Variants in SLC25A32 observed in about 807,000 individuals in gnomAD.
The protein encoded by SLC25A32 is Glycine auxotroph B, complementation of hamster.
SLC25A32 carries 32 observed loss-of-function variants against 39.0 expected under a neutral mutation model. That is an observed-to-expected ratio of 0.82 (90% CI 0.62 to 1.10). SLC25A32 has a LOEUF of 1.10. Ranked by LOEUF, SLC25A32 falls within the 50% of genes least tolerant of loss-of-function variation. SLC25A32 has a pLI of 0.00. For missense variants in SLC25A32, 367 were observed against 395.3 expected, an observed-to-expected ratio of 0.93 and a Z score of 0.61; for synonymous variants, 166 against 152.4, an observed-to-expected ratio of 1.09 and a Z score of -0.66.
At chr8:103,407,819 A>G in intron 1 of SLC25A32, 35 bp from the exon 2 acceptor site, 8 of 1,593,956 alleles carry the variant, frequency 5.0e-6, no homozygotes, top group South Asian at 2.2e-5. Flanking sequence ...AGGTAAGAAC[A>G]AAGTTCTAGC....
Position 103,400,053 on chromosome 8 carries a change from A to C in SLC25A32, c.*358T>G, listed in dbSNP as rs1327698633. ...ATTGCACAAAGGTTAATTTTAAAGC[A>C]ATCCAGGCAAGTAAGCTCACAAAAA... On this transcript the variant is annotated 3_prime_UTR_variant, in exon 7 of 7. Transcript: ENST00000297578. 4.3e-6 allele frequency: 1 copy of C among 234,672 alleles called. No individual in the cohort carries two copies. Among genetic ancestry groups the C allele is most frequent in the East Asian group, 1.3e-4 (1 of 7,854 alleles). 14.5% of individuals were successfully genotyped at this position (234,672 alleles called of 1,614,324 possible).
chr8:103,408,183 C>T (rs1223761625), intron 1 of SLC25A32, among the ~76,000 whole-genome samples: 2 of 151,192 alleles, frequency 1.3e-5, no homozygotes, highest in Non-Finnish European at 2.9e-5. Context: ...GACAGGCTTT[C>T]ACCATGTTGG....
At chr8:103,410,809 C>T (rs1328735713) in intron 1 of SLC25A32, among the ~76,000 whole-genome samples, 1 of 152,110 alleles carries the variant, frequency 6.6e-6, no homozygotes, top group Non-Finnish European at 1.5e-5. Context: ...AGACAGGACA[C>T]TAATTTTAAA....
At chr8:103,414,581 C>T in intron 1 of SLC25A32, 1 of 662,278 alleles carries the variant, frequency 1.5e-6, no homozygotes, top group Admixed American at 3.0e-5. Context: ...TACATGCCCC[C>T]TCTCTTAGTC....
At chr8:103,402,559 T>G (rs1816240777) in intron 4 of SLC25A32, 1 of 152,240 alleles carries the variant, frequency 6.6e-6, no homozygotes, top group South Asian at 2.1e-4. Context: ...TCAATGTGTC[T>G]AATTTTGATT....
intron 1 of SLC25A32, among the ~76,000 whole-genome samples, chr8:103,410,543 T>G (rs1816443713): frequency 6.6e-6 from 1 of 152,162 alleles, no homozygotes; most frequent in Non-Finnish European, 1.5e-5. Flanking sequence ...AACAGTTTCA[T>G]CCTGAAATCA....
chr8:103,414,391 C>G (rs1411337354), intron 1 of SLC25A32, among the ~76,000 whole-genome samples: 1 of 152,208 alleles, frequency 6.6e-6, no homozygotes, highest in Non-Finnish European at 1.5e-5. Context: ...TATCCCAATA[C>G]TAGTCGAGCT....
intron 3 of SLC25A32, among the ~76,000 whole-genome samples, chr8:103,403,814 C>T (rs536720196): frequency 6.6e-6 from 1 of 152,300 alleles, no homozygotes; most frequent in East Asian, 1.9e-4. Context: ...TCCAAAGTAA[C>T]TACTACCCCT....
chr8:103,406,176 T>A (rs1169879600), intron 2 of SLC25A32, among the ~76,000 whole-genome samples: 1 of 151,662 alleles, frequency 6.6e-6, no homozygotes, highest in African/African-American at 2.4e-5. Flanking sequence ...GTGTATATAG[T>A]TTCACACACA....
intron 1 of SLC25A32, among the ~76,000 whole-genome samples, chr8:103,409,682 A>G (rs569184236): frequency 9.8e-5 from 15 of 152,328 alleles, no homozygotes; most frequent in African/African-American, 3.6e-4. Context: ...CACTGTGTAT[A>G]ATCCAGCCTG....
chr8:103,411,525 TTC>T (rs1357351613), intron 1 of SLC25A32, among the ~76,000 whole-genome samples: 1 of 151,912 alleles, frequency 6.6e-6, no homozygotes, highest in Admixed American at 6.6e-5. Context: ...CACTTTGGAG[TTC>T]TCTCTTTCTT....
intron 6 of SLC25A32, 39 bp downstream of exon 6, chr8:103,401,477 C>T (rs199724541): frequency 2.5e-6 from 4 of 1,592,006 alleles, no homozygotes; most frequent in Admixed American, 1.7e-5. Flanking sequence ...ATGCAAGGTA[C>T]CTTGTCAAAG....
At chr8:103,403,361 G>T (rs2130439420) in intron 3 of SLC25A32, 37 bp from the exon 4 acceptor site, 1 of 1,308,540 alleles carries the variant, frequency 7.6e-7, no homozygotes, top group Non-Finnish European at 1.0e-6. Context: ...TCAGCATACA[G>T]ATACTTTCGC....
intron 1 of SLC25A32, among the ~76,000 whole-genome samples, chr8:103,410,077 T>C (rs1269507743): frequency 1.3e-5 from 2 of 152,190 alleles, no homozygotes; most frequent in African/African-American, 2.4e-5. Flanking sequence ...CTAAGAACTT[T>C]CCATTTTCCT....
At chr8:103,407,565 A>C in intron 2 of SLC25A32, 69 bp downstream of exon 2, 2 of 1,238,074 alleles carry the variant, frequency 1.6e-6, no homozygotes, top group Non-Finnish European at 2.2e-6. Context: ...TTACATTTAC[A>C]TGTAAAAATC....
intron 1 of SLC25A32, among the ~76,000 whole-genome samples, chr8:103,411,143 T>C (rs983921932): frequency 4.6e-5 from 7 of 152,198 alleles, no homozygotes; most frequent in African/African-American, 1.7e-4. Context: ...GTTTCAGTAA[T>C]GTTTGTGTGT....
At chr8:103,409,499 T>C (rs991577571) in intron 1 of SLC25A32, among the ~76,000 whole-genome samples, 4 of 152,180 alleles carry the variant, frequency 2.6e-5, no homozygotes, top group African/African-American at 9.6e-5. Context: ...ACAATCTGCA[T>C]GAATGCTTAT....
chr8:103,406,573 T>G (rs1172942047), intron 2 of SLC25A32, among the ~76,000 whole-genome samples: 1 of 152,206 alleles, frequency 6.6e-6, no homozygotes, highest in African/African-American at 2.4e-5. Flanking sequence ...TGAGAGCAGT[T>G]ATTTTAAATG....
chr8:103,404,082 C>A (rs1005384136), intron 3 of SLC25A32, among the ~76,000 whole-genome samples: 1 of 152,132 alleles, frequency 6.6e-6, no homozygotes, highest in Non-Finnish European at 1.5e-5. Context: ...AGACTTACGG[C>A]TCTTACTGTT....
Sources: gnomAD v4.1 joint callset for allele counts (sites outside exome capture counted in the v4.1 genomes callset) on GRCh38, gnomAD v4.1.1 for gene constraint, MANE v1.5 for transcripts, NCBI Gene and HGNC (gene_info 2026-07-23, HGNC 2026-07-21) for gene names.